Variants in TRERF1 observed in about 807,000 individuals in gnomAD.
TRERF1 encodes the protein transcriptional regulating factor 1, also known as transcriptional-regulating factor 1.
Under a neutral mutation model 122.9 loss-of-function variants are expected in TRERF1, and 27 were observed. The observed-to-expected ratio is 0.22, with a 90% CI of 0.16 to 0.30. The LOEUF is 0.30. Among genes scored for constraint, TRERF1 ranks in the 10% least tolerant of loss-of-function variants. The pLI is 1.00. For missense variants in TRERF1, 1,248 were observed against 1,560.3 expected, an observed-to-expected ratio of 0.80 and a Z score of 3.37; for synonymous variants, 636 against 641.7, an observed-to-expected ratio of 0.99 and a Z score of 0.13.
chr6:42,444,314 G>T (rs1022801852), intron 2 of TRERF1, among the ~76,000 whole-genome samples: 18 of 151,880 alleles, frequency 1.2e-4, no homozygotes, highest in Admixed American at 1.2e-3. Context: ...TTAATGTGAG[G>T]CCCAAATTAC....
chr6:42,337,105 T>C (rs2150654269), intron 3 of TRERF1, among the ~76,000 whole-genome samples: 1 of 152,238 alleles, frequency 6.6e-6, no homozygotes, highest in South Asian at 2.1e-4. Flanking sequence ...ATGGGCACCC[T>C]GAGCTCCTTG....
intron 3 of TRERF1, among the ~76,000 whole-genome samples, chr6:42,362,454 C>T (rs1458814408): frequency 1.3e-5 from 2 of 152,200 alleles, no homozygotes; most frequent in African/African-American, 4.8e-5. Flanking sequence ...TATTTATGCA[C>T]AAACTACTGA....
intron 2 of TRERF1, among the ~76,000 whole-genome samples, chr6:42,380,702 G>T: frequency 6.6e-6 from 1 of 152,288 alleles, no homozygotes; most frequent in East Asian, 1.9e-4. Context: ...CAAAGGGCAT[G>T]GCTCTCTAGG....
chr6:42,342,320 CACCCTAT>C (rs1042666083), intron 3 of TRERF1, among the ~76,000 whole-genome samples: 4 of 152,300 alleles, frequency 2.6e-5, no homozygotes, highest in African/African-American at 7.2e-5. Flanking sequence ...GGTGGTTGGT[CACCCTAT>C]ACTTTGGCTT....
intron 2 of TRERF1, among the ~76,000 whole-genome samples, chr6:42,436,814 A>AAAATATATAT (rs61427173): frequency 4.9e-4 from 33 of 66,680 alleles, no homozygotes; most frequent in East Asian, 3.3e-3. Context: ...AAAAAAAAAA[A>AAAATATATAT]ATATATATAT....
chr6:42,283,519 A>G (rs1379759350), intron 4 of TRERF1, among the ~76,000 whole-genome samples: 1 of 151,138 alleles, frequency 6.6e-6, no homozygotes, highest in African/African-American at 2.4e-5. Flanking sequence ...GAGATTTTTC[A>G]TTTTATAACT....
intron 2 of TRERF1, among the ~76,000 whole-genome samples, chr6:42,421,937 C>A (rs1171306404): frequency 6.6e-6 from 1 of 151,462 alleles, no homozygotes; most frequent in Non-Finnish European, 1.5e-5. Context: ...GGAGGCTGAG[C>A]CAGGCGGCTC....
At chr6:42,375,381 A>G (rs1277033584) in intron 2 of TRERF1, among the ~76,000 whole-genome samples, 1 of 152,362 alleles carries the variant, frequency 6.6e-6, no homozygotes, top group East Asian at 1.9e-4. Context: ...CATGAAGCTC[A>G]GAGGAGCCTC....
chr6:42,229,313 T>C (rs1770054812), intron 17 of TRERF1, among the ~76,000 whole-genome samples: 1 of 152,034 alleles, frequency 6.6e-6, no homozygotes, highest in Non-Finnish European at 1.5e-5. Context: ...AATTTTTAAA[T>C]ATTTTGTAGA....
intron 16 of TRERF1, among the ~76,000 whole-genome samples, chr6:42,234,120 T>C (rs928482412): frequency 1.3e-5 from 2 of 152,094 alleles, no homozygotes; most frequent in Non-Finnish European, 2.9e-5. Flanking sequence ...TGATAAAAGT[T>C]ATGATAAATT....
At chr6:42,265,704 A>T in intron 6 of TRERF1, 47 bp downstream of exon 6, 1 of 1,589,712 alleles carries the variant, frequency 6.3e-7, no homozygotes. Context: ...CACCCCAGAA[A>T]ATCCTCCCCG....
chr6:42,320,960 G>A (rs115166222), intron 3 of TRERF1, among the ~76,000 whole-genome samples: 1,700 of 152,202 alleles, frequency 0.011, 29 homozygotes, highest in African/African-American at 0.036. Context: ...GAGCTCCAGC[G>A]CTCAAATATT....
At position 42,276,458 on chromosome 6, in the gene TRERF1, G is replaced by A. The variant is rs1250250030; in HGVS notation, c.-258-6610C>T. Among the ~76,000 whole-genome samples, 4 of 152,018 alleles carry A rather than the reference G, an allele frequency of 2.6e-5. 1 individual carries two copies. Among genetic ancestry groups the A allele is most frequent in the Admixed American group, 1.3e-4 (2 of 15,266 alleles). On this transcript the variant is annotated intron_variant, in intron 4 of 17. Transcript: ENST00000372922. The surrounding 1 kb of genome is among the most constrained non-coding windows in gnomAD (Gnocchi z 4.3). Reference sequence around the variant, plus strand: ...TGTGTTTTAGTCCAGCCTTCCTCTCGGCTCTGTCAAGGAAGCTTCACTCGA... The same window carrying A: ...TGTGTTTTAGTCCAGCCTTCCTCTCAGCTCTGTCAAGGAAGCTTCACTCGA...
At chr6:42,290,230 G>C (rs555489073) in intron 4 of TRERF1, among the ~76,000 whole-genome samples, 1 of 152,324 alleles carries the variant, frequency 6.6e-6, no homozygotes, top group South Asian at 2.1e-4. Flanking sequence ...AACTAGGACT[G>C]CTTCTAAGGA....
intron 4 of TRERF1, among the ~76,000 whole-genome samples, chr6:42,294,568 G>T (rs1294021481): frequency 6.6e-6 from 1 of 152,226 alleles, no homozygotes; most frequent in Non-Finnish European, 1.5e-5. Flanking sequence ...CACCAATGGT[G>T]AGAAGGAGCC....
chr6:42,315,716 CCA>C (rs1491165136), intron 3 of TRERF1, among the ~76,000 whole-genome samples: 6 of 138,500 alleles, frequency 4.3e-5, no homozygotes, highest in African/African-American at 1.6e-4. Flanking sequence ...ACCCCCCCCC[CCA>C]CCCACTGCCA....
At chr6:42,330,378 C>G (rs916459332) in intron 3 of TRERF1, among the ~76,000 whole-genome samples, 1 of 152,182 alleles carries the variant, frequency 6.6e-6, no homozygotes, top group African/African-American at 2.4e-5. Flanking sequence ...ATCAAAATTT[C>G]AACATGCATG....
chr6:42,278,599 G>A (rs1429024708), intron 4 of TRERF1, among the ~76,000 whole-genome samples: 1 of 152,172 alleles, frequency 6.6e-6, no homozygotes, highest in East Asian at 1.9e-4. Flanking sequence ...AGCTTGCCTG[G>A]CTCCCCAGGA....
chr6:42,238,838 C>CACAG (rs749472828), intron 15 of TRERF1, among the ~76,000 whole-genome samples: 73 of 133,798 alleles, frequency 5.5e-4, no homozygotes, highest in Non-Finnish European at 9.2e-4. Flanking sequence ...ATGCATTTCA[C>CACAG]ACACACACAC....
Sources: gnomAD v4.1 joint callset for allele counts (sites outside exome capture counted in the v4.1 genomes callset) on GRCh38, gnomAD v4.1.1 for gene constraint, Gnocchi (gnomAD v3.1) non-coding constraint, MANE v1.5 for transcripts, NCBI Gene and HGNC (gene_info 2026-07-23, HGNC 2026-07-21) for gene names.